ZC3H12B: variants seen among roughly 807,000 people sequenced by gnomAD.
ZC3H12B encodes the protein probable ribonuclease ZC3H12B.
ZC3H12B carries 7 observed loss-of-function variants against 43.9 expected under a neutral mutation model. The observed-to-expected ratio is 0.16, with a 90% CI of 0.09 to 0.30. The LOEUF (loss-of-function observed/expected upper bound fraction) is 0.30, where lower values mean the gene tolerates loss of function less well. ZC3H12B is among the 10% of genes least tolerant of loss of function. The pLI is 1.00. For missense variants in ZC3H12B, 475 were observed against 670.2 expected (o/e 0.71, Z 3.22); for synonymous variants, 222 against 241.7 (o/e 0.92, Z 0.76).
At chrX:65,192,449 T>C in the ZC3H12B span, among the ~76,000 whole-genome samples, 1 of 111,616 alleles carries the variant, frequency 9.0e-6, no homozygotes, top group African/African-American at 3.3e-5. Flanking sequence ...GATAAAAGGC[T>C]TGCAGTTTTT....
At chrX:65,129,703 G>T in the ZC3H12B span, among the ~76,000 whole-genome samples, 1 of 111,072 alleles carries the variant, frequency 9.0e-6, no homozygotes, top group African/African-American at 3.3e-5. Flanking sequence ...CTGTCTTCTT[G>T]TATTAATAAG....
the ZC3H12B span, among the ~76,000 whole-genome samples, chrX:65,355,386 G>T: frequency 6.3e-5 from 7 of 111,619 alleles, no homozygotes; most frequent in Non-Finnish European, 1.3e-4. Flanking sequence ...AAACAGGAAA[G>T]TATATTTAAA....
the ZC3H12B span, among the ~76,000 whole-genome samples, chrX:65,217,204 A>G: frequency 8.9e-6 from 1 of 112,465 alleles, no homozygotes; most frequent in East Asian, 2.8e-4. Context: ...GTGCGTATCC[A>G]GGAATCTGCA....
chrX:65,107,855 C>A, the ZC3H12B span, among the ~76,000 whole-genome samples: 1 of 111,142 alleles, frequency 9.0e-6, no homozygotes, highest in Non-Finnish European at 1.9e-5. Context: ...TAGTCTCGGG[C>A]AGTTCTTTAT....
the ZC3H12B span, among the ~76,000 whole-genome samples, chrX:65,296,331 A>G: frequency 9.0e-6 from 1 of 110,924 alleles, no homozygotes; most frequent in African/African-American, 3.3e-5. Context: ...ATAAGGATAC[A>G]TTGGAATTTG....
chrX:65,219,809 TACACACACACAC>T, the ZC3H12B span, among the ~76,000 whole-genome samples: 110 of 76,707 alleles, frequency 1.4e-3, no homozygotes, highest in African/African-American at 4.9e-3. Context: ...TACACACACA[TACACACACACAC>T]ACACACACAC....
the ZC3H12B span, among the ~76,000 whole-genome samples, chrX:65,321,567 A>T: frequency 9.0e-6 from 1 of 111,219 alleles, no homozygotes; most frequent in Non-Finnish European, 1.9e-5. Flanking sequence ...CCCCCAAAAT[A>T]TAAATAATTC....
At chrX:65,356,642 A>T in the ZC3H12B span, among the ~76,000 whole-genome samples, 3 of 112,006 alleles carry the variant, frequency 2.7e-5, no homozygotes, top group Non-Finnish European at 5.6e-5. Context: ...TTGTATATTC[A>T]TATATGTTAT....
the ZC3H12B span, among the ~76,000 whole-genome samples, chrX:65,231,823 T>C: frequency 8.9e-6 from 1 of 111,926 alleles, no homozygotes; most frequent in Admixed American, 9.5e-5. Flanking sequence ...TACAATCAGA[T>C]TTCATATTGT....
At chrX:65,287,424 A>G in the ZC3H12B span, among the ~76,000 whole-genome samples, 11 of 111,416 alleles carry the variant, frequency 9.9e-5, no homozygotes, top group African/African-American at 3.6e-4. Flanking sequence ...AATGTGCTTG[A>G]GTATAACTAT....
At chrX:65,186,544 T>TA in the ZC3H12B span, 2 of 108,875 alleles carry the variant, frequency 1.8e-5, no homozygotes, top group Admixed American at 2.0e-4. Context: ...TTTTTTTTTT[T>TA]AATTTCAATA....
At chrX:65,502,129 C>A (rs770447180) in exon 5 of ZC3H12B, 9 of 1,209,660 alleles carry the variant, frequency 7.4e-6, no homozygotes, top group South Asian at 7.1e-5. Context: ...TCCCACCCCC[C>A]AAAAGCCATG....
At chrX:65,212,881 T>G in the ZC3H12B span, among the ~76,000 whole-genome samples, 1 of 106,631 alleles carries the variant, frequency 9.4e-6, no homozygotes, top group African/African-American at 3.4e-5. Flanking sequence ...TCTGTAAATA[T>G]TTTATGAACT....
rs146202497 is a variant in ZC3H12B at position 65,455,245 on chromosome X, T to C, written n.408-33401T>C. On this transcript the variant is annotated intron_variant and non_coding_transcript_variant, in intron 3 of 5. Coordinates refer to the ZC3H12B transcript ENST00000617377. Reference sequence around the variant, plus strand: ...AAACCTTGAAAAAAGATTAGACGAATGGCTAACTAGAATAACCAATGCAGA... The same window carrying C: ...AAACCTTGAAAAAAGATTAGACGAACGGCTAACTAGAATAACCAATGCAGA... Among the ~76,000 whole-genome samples, 308 of 111,680 alleles carry C rather than the reference T, an allele frequency of 2.8e-3. 3 individuals carry two copies. Among genetic ancestry groups the C allele is most frequent in the African/African-American group, 9.6e-3 (294 of 30,735 alleles).
the ZC3H12B span, among the ~76,000 whole-genome samples, chrX:65,133,020 C>G: frequency 9.0e-6 from 1 of 111,243 alleles, no homozygotes; most frequent in Non-Finnish European, 1.9e-5. Context: ...GGGTCCTGTA[C>G]AGATGGGACA....
the ZC3H12B span, among the ~76,000 whole-genome samples, chrX:65,288,184 G>T: frequency 9.1e-6 from 1 of 110,320 alleles, no homozygotes; most frequent in African/African-American, 3.3e-5. Flanking sequence ...TTCCAACAAA[G>T]AAAAGCCAAG....
chrX:65,166,989 G>A, the ZC3H12B span, among the ~76,000 whole-genome samples: 1 of 111,832 alleles, frequency 8.9e-6, no homozygotes, highest in African/African-American at 3.3e-5. Context: ...CCATTGTATA[G>A]GTTGCCTGTT....
chrX:65,501,406 A>G (rs2068365754), intron 4 of ZC3H12B, among the ~76,000 whole-genome samples: 1 of 109,093 alleles, frequency 9.2e-6, no homozygotes, highest in African/African-American at 3.4e-5. Context: ...GTGCACCACC[A>G]TGCCCAGCTA....
intron 3 of ZC3H12B, chrX:65,469,872 G>C (rs2067884077): frequency 8.9e-6 from 1 of 112,447 alleles, no homozygotes; most frequent in South Asian, 3.7e-4. Flanking sequence ...GGGAGGCTGA[G>C]GCAAGAGAAT....
Sources: allele counts gnomAD v4.1 joint callset (sites outside exome capture counted in the v4.1 genomes callset), GRCh38; gene constraint gnomAD v4.1.1; transcripts MANE v1.5; gene names NCBI Gene and HGNC (gene_info 2026-07-23, HGNC 2026-07-21).